Variants in PRKN observed in about 807,000 individuals in gnomAD.
PRKN encodes E3 ubiquitin-protein ligase parkin.
In PRKN, 56 loss-of-function variants were observed where a neutral mutation model predicts 59.5. The observed-to-expected ratio is 0.94, with a 90% confidence interval of 0.76 to 1.18. PRKN has a LOEUF of 1.18. Among genes scored for constraint, PRKN ranks in the 50% most tolerant of loss-of-function variants. PRKN has a pLI of 0.00. For synonymous variants in PRKN, 250 were observed against 222.1 expected (o/e 1.13, Z -1.12); for missense variants, 657 against 596.4 (o/e 1.10, Z -1.06).
intron 3 of PRKN, among the ~76,000 whole-genome samples, chr6:162,262,049 TTTAGA>T (rs974951856): frequency 2.1e-4 from 32 of 152,192 alleles, no homozygotes; most frequent in African/African-American, 6.8e-4. Flanking sequence ...CCTTTGACTA[TTTAGA>T]TTAGAGAATA....
chr6:162,593,469 C>G (rs1781384056), intron 1 of PRKN, among the ~76,000 whole-genome samples: 1 of 152,092 alleles, frequency 6.6e-6, no homozygotes. Context: ...TTATATATTC[C>G]TCATGTGAAA....
chr6:162,099,741 G>A (rs1341764018), intron 4 of PRKN, among the ~76,000 whole-genome samples: 2 of 152,166 alleles, frequency 1.3e-5, no homozygotes, highest in Non-Finnish European at 2.9e-5. Context: ...GACAATATGT[G>A]CATTACCTCA....
intron 1 of PRKN, among the ~76,000 whole-genome samples, chr6:162,684,905 A>T (rs1779910845): frequency 6.6e-6 from 1 of 152,200 alleles, no homozygotes; most frequent in South Asian, 2.1e-4. Context: ...TGTTAAATAG[A>T]ACTTCATCGG....
chr6:162,453,117 T>C (rs1393983945), intron 1 of PRKN, among the ~76,000 whole-genome samples: 2 of 152,070 alleles, frequency 1.3e-5, no homozygotes, highest in African/African-American at 2.4e-5. Context: ...CGGTACTGCA[T>C]CGGGCCAGAC....
intron 7 of PRKN, among the ~76,000 whole-genome samples, chr6:161,727,876 G>T (rs1787511106): frequency 6.6e-6 from 1 of 152,026 alleles, no homozygotes; most frequent in African/African-American, 2.4e-5. Context: ...ACTTTTCTCT[G>T]AATAACAAGA....
At chr6:162,457,688 C>T (rs1017851355) in intron 1 of PRKN, among the ~76,000 whole-genome samples, 14 of 152,156 alleles carry the variant, frequency 9.2e-5, no homozygotes, top group African/African-American at 3.4e-4. Flanking sequence ...CAGACACAAA[C>T]TCTGGGGCTC....
At chr6:162,657,288 C>G (rs1342038080) in intron 1 of PRKN, among the ~76,000 whole-genome samples, 3 of 152,074 alleles carry the variant, frequency 2.0e-5, no homozygotes, top group African/African-American at 7.2e-5. Flanking sequence ...ATATAGTATT[C>G]TATTCATTTG....
At chr6:162,418,047 C>T (rs892202404) in intron 2 of PRKN, among the ~76,000 whole-genome samples, 5 of 152,136 alleles carry the variant, frequency 3.3e-5, no homozygotes, top group Admixed American at 6.5e-5. Context: ...TATACAAAAG[C>T]CTGCACACAA....
In PRKN at chr6:161,407,503, C is replaced by G. The variant is rs10945749; in HGVS notation, c.1084-20626G>C. 0.14 allele frequency among the ~76,000 whole-genome samples: 21,686 copies of G among 152,128 alleles called. 1,679 individuals are homozygous for G. Among genetic ancestry groups the G allele is most frequent in the African/African-American group, 0.18 (7,295 of 41,480 alleles). ...CCAAAGAAAGAAAAGCTCCATCATA[C>G]TACCATTGTAAACATCCACATCAAT... On this transcript the variant is annotated intron_variant, in intron 9 of 11. Transcript: ENST00000366898. The surrounding 1 kb of genome is among the most constrained non-coding windows in gnomAD (Gnocchi z 4.9).
chr6:161,573,334 A>G (rs9295155), intron 7 of PRKN, among the ~76,000 whole-genome samples: 94,711 of 151,948 alleles, frequency 0.62, 29,947 homozygotes, highest in African/African-American at 0.72. Context: ...TATTTAATTG[A>G]TATGTTTTTA....
chr6:161,872,974 T>C (rs1044793264), intron 6 of PRKN, among the ~76,000 whole-genome samples: 5 of 141,386 alleles, frequency 3.5e-5, no homozygotes, highest in African/African-American at 3.1e-5. Context: ...TTTTTTTTTT[T>C]CCAAAAAACC....
At chr6:162,099,921 C>G (rs1779896181) in intron 4 of PRKN, among the ~76,000 whole-genome samples, 1 of 152,232 alleles carries the variant, frequency 6.6e-6, no homozygotes. Context: ...CACCTCCCCG[C>G]CCACACACAG....
intron 9 of PRKN, among the ~76,000 whole-genome samples, chr6:161,421,737 T>A (rs1361629985): frequency 2.0e-5 from 3 of 152,198 alleles, no homozygotes; most frequent in African/African-American, 4.8e-5. Context: ...GAAGAACTTT[T>A]GTGCAGGGTC....
intron 5 of PRKN, among the ~76,000 whole-genome samples, chr6:162,010,044 GAAAC>G (rs900106923): frequency 3.3e-5 from 5 of 150,988 alleles, no homozygotes; most frequent in African/African-American, 9.8e-5. Flanking sequence ...ACTATTTAAT[GAAAC>G]AAACAACAAT....
At position 162,289,687 on chromosome 6, in the gene PRKN, C is replaced by CAAAA. The variant is rs376838845; in HGVS notation, c.172-26926_172-26923dup. On this transcript the variant is annotated intron_variant, in intron 2 of 11. Transcript: ENST00000366898. Reference sequence around the variant, plus strand: ...CAGCCAACAGAGCGAGACACTGTCTCAAAAAAAAAAAAAGATTTTTTGAAG... The same window carrying CAAAA: ...CAGCCAACAGAGCGAGACACTGTCTCAAAAAAAAAAAAAAAAAGATTTTTTGAAG... Among the ~76,000 whole-genome samples the CAAAA allele has an allele frequency of 4.9e-4, 70 of 141,882 alleles. 2 individuals carry two copies. In the South Asian group the frequency reaches 0.014, roughly 28 times the overall value. 93.1% of individuals were successfully genotyped at this position (141,882 alleles called of 152,430 possible). A position where few individuals can be genotyped will look rare whatever the true frequency, so the allele number is the denominator to read the frequency against.
chr6:162,291,027 A>C (rs1781405153), intron 2 of PRKN, among the ~76,000 whole-genome samples: 1 of 152,192 alleles, frequency 6.6e-6, no homozygotes, highest in African/African-American at 2.4e-5. Context: ...CTTATAAGAA[A>C]GGAGCGATGT....
intron 1 of PRKN, among the ~76,000 whole-genome samples, chr6:162,545,168 A>G (rs1779070794): frequency 6.6e-6 from 1 of 151,804 alleles, no homozygotes; most frequent in Admixed American, 6.6e-5. Context: ...GGAGCCTGTA[A>G]TCCCAGCTAC....
intron 5 of PRKN, among the ~76,000 whole-genome samples, chr6:162,051,457 A>G (rs1431082167): frequency 3.9e-5 from 6 of 152,186 alleles, no homozygotes; most frequent in African/African-American, 1.4e-4. Context: ...TCGGGAGTGC[A>G]CATCAGAGAT....
intron 1 of PRKN, among the ~76,000 whole-genome samples, chr6:162,703,010 T>G (rs1022346999): frequency 1.3e-5 from 2 of 152,198 alleles, no homozygotes; most frequent in African/African-American, 2.4e-5. Flanking sequence ...ATTTGGAATA[T>G]ATTTACTTAA....
Sources: gnomAD v4.1 joint callset for allele counts (sites outside exome capture counted in the v4.1 genomes callset) on GRCh38, gnomAD v4.1.1 for gene constraint, Gnocchi (gnomAD v3.1) non-coding constraint, MANE v1.5 for transcripts, NCBI Gene and HGNC (gene_info 2026-07-23, HGNC 2026-07-21) for gene names.